The following AGMO variants were observed in gnomAD, a reference collection of about 807,000 sequenced individuals.
The protein encoded by AGMO is alkylglycerol monooxygenase.
A neutral mutation model predicts 60.2 loss-of-function variants in AGMO; 75 were observed. That is an observed-to-expected ratio of 1.25 (90% CI 1.03 to 1.51). The LOEUF (loss-of-function observed/expected upper bound fraction) is 1.51, where lower values mean the gene tolerates loss of function less well. Ranked by LOEUF, AGMO falls within the 40% of genes most tolerant of loss-of-function variation. The pLI is 0.00. For synonymous variants in AGMO, 261 were observed against 177.1 expected (o/e 1.47, Z -3.76); for missense variants, 763 against 525.5 (o/e 1.45, Z -4.42).
intron 12 of AGMO, among the ~76,000 whole-genome samples, chr7:15,288,566 A>C (rs367856678): frequency 6.6e-6 from 1 of 152,236 alleles, no homozygotes. Context: ...GTCTATGTAC[A>C]TATTTACTCA....
intron 3 of AGMO, among the ~76,000 whole-genome samples, chr7:15,476,327 T>G (rs1438415919): frequency 6.6e-6 from 1 of 152,138 alleles, no homozygotes; most frequent in African/African-American, 2.4e-5. Flanking sequence ...GTATCATTCT[T>G]GACATTTTAC....
At chr7:15,469,025 A>T (rs2128511648) in intron 3 of AGMO, among the ~76,000 whole-genome samples, 1 of 152,262 alleles carries the variant, frequency 6.6e-6, no homozygotes, top group Admixed American at 6.6e-5. Flanking sequence ...GCATACATTT[A>T]AACTCAGAAC....
intron 10 of AGMO, among the ~76,000 whole-genome samples, chr7:15,374,525 G>T (rs1194555251): frequency 6.6e-6 from 1 of 151,920 alleles, no homozygotes; most frequent in Non-Finnish European, 1.5e-5. Context: ...TGACACTATG[G>T]TTCTACTCCA....
At chr7:15,304,700 A>G (rs1400558448) in intron 12 of AGMO, among the ~76,000 whole-genome samples, 1 of 152,054 alleles carries the variant, frequency 6.6e-6, no homozygotes, top group Admixed American at 6.6e-5. Context: ...ACTCAAATAA[A>G]CCGACATATT....
At chr7:15,276,435 T>C (rs1190356574) in intron 12 of AGMO, among the ~76,000 whole-genome samples, 1 of 152,122 alleles carries the variant, frequency 6.6e-6, no homozygotes, top group African/African-American at 2.4e-5. Context: ...TTATAGGTGA[T>C]TTGATGTTTC....
At chr7:15,449,582 A>G (rs1355705749) in intron 3 of AGMO, among the ~76,000 whole-genome samples, 3 of 152,206 alleles carry the variant, frequency 2.0e-5, no homozygotes, top group Admixed American at 2.0e-4. Context: ...GCCTAGGAGC[A>G]ATAGGCTATA....
At chr7:15,181,567 C>T in the AGMO span, among the ~76,000 whole-genome samples, 3 of 152,148 alleles carry the variant, frequency 2.0e-5, no homozygotes, top group African/African-American at 7.2e-5. Context: ...TATTCCATTG[C>T]TCTTAATGCA....
chr7:15,269,916 C>T (rs1783545998), intron 12 of AGMO, among the ~76,000 whole-genome samples: 1 of 152,030 alleles, frequency 6.6e-6, no homozygotes, highest in Non-Finnish European at 1.5e-5. Flanking sequence ...CCAGCTGCCT[C>T]CATGTTGCTG....
chr7:15,359,828 C>A (rs917758291), intron 12 of AGMO, among the ~76,000 whole-genome samples: 4 of 152,076 alleles, frequency 2.6e-5, no homozygotes, highest in Admixed American at 2.0e-4. Context: ...TACAAAAAAT[C>A]CTGAAACCTT....
At chr7:15,370,141 A>T (rs1237082738) in intron 10 of AGMO, among the ~76,000 whole-genome samples, 2 of 152,104 alleles carry the variant, frequency 1.3e-5, no homozygotes, top group African/African-American at 4.8e-5. Flanking sequence ...ATTTATAAGT[A>T]AGAACTTGCA....
chr7:15,448,194 C>T (rs1274677840), intron 3 of AGMO, among the ~76,000 whole-genome samples: 2 of 152,118 alleles, frequency 1.3e-5, no homozygotes, highest in African/African-American at 2.4e-5. Flanking sequence ...AAATCCTTAC[C>T]CGAGAGGTGA....
In AGMO at chr7:15,200,955, T is replaced by C. The variant is rs1344642514; in HGVS notation, c.*330A>G. ...AAAGGAAACATTGTTTTCAAATTGA[T>C]GTAAAGGCAATATTCCTTCTTGTTT... On this transcript the variant is annotated 3_prime_UTR_variant, in exon 13 of 13. Transcript: ENST00000342526. 1 of 188,552 alleles carries C rather than the reference T, an allele frequency of 5.3e-6. No individual in the cohort carries two copies. Among genetic ancestry groups the C allele is most frequent in the East Asian group, 1.3e-4 (1 of 7,734 alleles). The allele number at this position is 188,552 out of a possible 1,614,324, so 11.7% of individuals were successfully genotyped here. A position where few individuals can be genotyped will look rare whatever the true frequency, so the allele number is the denominator to read the frequency against.
At chr7:15,135,377 T>C in the AGMO span, among the ~76,000 whole-genome samples, 1 of 152,136 alleles carries the variant, frequency 6.6e-6, no homozygotes, top group Non-Finnish European at 1.5e-5. Context: ...GTGGAGAACA[T>C]CACCTCTCAA....
intron 12 of AGMO, among the ~76,000 whole-genome samples, chr7:15,302,935 C>T (rs1312072230): frequency 2.0e-5 from 3 of 152,018 alleles, no homozygotes; most frequent in Non-Finnish European, 4.4e-5. Context: ...GGAAAAGTAT[C>T]TATATATTTG....
the AGMO span, among the ~76,000 whole-genome samples, chr7:15,187,498 T>G: frequency 6.6e-6 from 1 of 152,320 alleles, no homozygotes; most frequent in East Asian, 1.9e-4. Context: ...AATCCTTTCA[T>G]CACGTTAGTC....
At chr7:15,271,746 G>T (rs762303893) in intron 12 of AGMO, among the ~76,000 whole-genome samples, 1 of 152,056 alleles carries the variant, frequency 6.6e-6, no homozygotes, top group Admixed American at 6.6e-5. Context: ...TCTTGTTCTG[G>T]TTCTTAGGGA....
chr7:15,366,096 G>A, intron 11 of AGMO, 44 bp downstream of exon 11: 1 of 1,458,702 alleles, frequency 6.9e-7, no homozygotes, highest in Non-Finnish European at 9.5e-7. Flanking sequence ...GAAAATTCTT[G>A]AATTGAGTAA....
intron 5 of AGMO, among the ~76,000 whole-genome samples, chr7:15,400,961 T>A (rs1784537908): frequency 6.6e-6 from 1 of 152,118 alleles, no homozygotes; most frequent in Non-Finnish European, 1.5e-5. Flanking sequence ...ACACATTAAG[T>A]TGAATAATGT....
At chr7:15,547,667 G>C (rs992447270) in intron 2 of AGMO, among the ~76,000 whole-genome samples, 1 of 146,508 alleles carries the variant, frequency 6.8e-6, no homozygotes, top group Non-Finnish European at 1.5e-5. Flanking sequence ...AGGGTCCTAC[G>C]CCCACGGAGT....
Sources: gnomAD v4.1 joint callset for allele counts (sites outside exome capture counted in the v4.1 genomes callset) on GRCh38, gnomAD v4.1.1 for gene constraint, MANE v1.5 for transcripts, NCBI Gene and HGNC (gene_info 2026-07-23, HGNC 2026-07-21) for gene names.